The following SPAG16 variants were observed in gnomAD, a reference collection of about 807,000 sequenced individuals.
The protein encoded by SPAG16 is sperm associated antigen 16.
SPAG16 carries 86 observed loss-of-function variants against 80.4 expected under a neutral mutation model. That is an observed-to-expected ratio of 1.07 (90% confidence interval 0.90 to 1.28). SPAG16 has a LOEUF of 1.28. SPAG16 is among the 50% of genes most tolerant of loss of function. SPAG16 has a pLI of 0.00. For synonymous variants in SPAG16, 294 were observed against 265.9 expected (o/e 1.11, Z -1.03); for missense variants, 870 against 765.3 (o/e 1.14, Z -1.61).
rs148796499 is a variant in SPAG16 at position 213,449,512 on chromosome 2, G to A, written c.943-40451G>A. The stretch of plus-strand genomic sequence containing the variant: ...CTCAGGCAGGCATCATGGTCCTACC[G>A]ATATGTGATGTCACCCCTCGCGGCC... On this transcript the variant is annotated intron_variant, in intron 9 of 15. Transcript: ENST00000331683. Among the ~76,000 whole-genome samples, 1,286 of 152,252 alleles carry A rather than the reference G, an allele frequency of 8.4e-3. 9 individuals are homozygous for A. Among genetic ancestry groups the A allele is most frequent in the Non-Finnish European group, 0.013 (869 of 68,018 alleles).
intron 15 of SPAG16, among the ~76,000 whole-genome samples, chr2:214,267,201 A>G (rs1347439494): frequency 6.6e-6 from 1 of 151,852 alleles, no homozygotes; most frequent in Non-Finnish European, 1.5e-5. Context: ...AAAAATAGAT[A>G]AAAAGATAAA....
chr2:214,132,231 T>G (rs916481628), intron 14 of SPAG16, among the ~76,000 whole-genome samples: 6 of 152,228 alleles, frequency 3.9e-5, no homozygotes, highest in African/African-American at 9.6e-5. Context: ...ATTCATTCAT[T>G]TGTTCAAATA....
At chr2:214,079,090 T>C (rs758368369) in intron 13 of SPAG16, among the ~76,000 whole-genome samples, 25 of 152,096 alleles carry the variant, frequency 1.6e-4, no homozygotes, top group Admixed American at 7.2e-4. Context: ...GTTCTAAGCC[T>C]AAGGTACATC....
intron 10 of SPAG16, among the ~76,000 whole-genome samples, chr2:213,818,974 GAT>G (rs2072753790): frequency 6.6e-6 from 1 of 152,182 alleles, no homozygotes; most frequent in Non-Finnish European, 1.5e-5. Context: ...CCCAGTCTCA[GAT>G]AGTAACTTCA....
At chr2:214,037,780 T>A (rs904318708) in intron 13 of SPAG16, among the ~76,000 whole-genome samples, 1 of 152,116 alleles carries the variant, frequency 6.6e-6, no homozygotes, top group Non-Finnish European at 1.5e-5. Context: ...ATTTTTCCCA[T>A]ATTTAATGCT....
chr2:213,660,258 CT>C (rs1240070436), intron 10 of SPAG16, among the ~76,000 whole-genome samples: 2 of 150,850 alleles, frequency 1.3e-5, no homozygotes, highest in Non-Finnish European at 2.9e-5. Context: ...AACAGAGTGG[CT>C]ATTAGTGTTG....
intron 10 of SPAG16, among the ~76,000 whole-genome samples, chr2:213,522,848 TA>T (rs1171794347): frequency 3.4e-5 from 5 of 148,864 alleles, no homozygotes; most frequent in Admixed American, 1.3e-4. Flanking sequence ...AACATATATA[TA>T]AAAAAACTAA....
chr2:213,686,894 A>G (rs920404338), intron 10 of SPAG16, among the ~76,000 whole-genome samples: 1 of 151,252 alleles, frequency 6.6e-6, no homozygotes. Context: ...TGTTTTAGCC[A>G]GGGTGGTCTT....
At chr2:213,429,877 G>A (rs1039913284) in intron 9 of SPAG16, among the ~76,000 whole-genome samples, 1 of 152,154 alleles carries the variant, frequency 6.6e-6, no homozygotes, top group Non-Finnish European at 1.5e-5. Flanking sequence ...AATAAGAAGT[G>A]ACTGTTTCTC....
intron 13 of SPAG16, among the ~76,000 whole-genome samples, chr2:214,081,586 T>C (rs986884627): frequency 6.6e-6 from 1 of 152,160 alleles, no homozygotes; most frequent in Non-Finnish European, 1.5e-5. Flanking sequence ...CACCAGAAAC[T>C]AACAGAGAGA....
intron 9 of SPAG16, among the ~76,000 whole-genome samples, chr2:213,447,996 T>A (rs1020370303): frequency 1.3e-5 from 2 of 152,232 alleles, no homozygotes; most frequent in Non-Finnish European, 2.9e-5. Flanking sequence ...CTAATTACAG[T>A]CACGGCACTG....
intron 10 of SPAG16, among the ~76,000 whole-genome samples, chr2:213,558,705 C>T (rs1416955491): frequency 6.6e-6 from 1 of 151,996 alleles, no homozygotes; most frequent in Non-Finnish European, 1.5e-5. Context: ...ACTTTTGGTC[C>T]TAATTTGGCT....
chr2:213,489,291 C>T (rs1375705567), intron 9 of SPAG16, among the ~76,000 whole-genome samples: 1 of 152,098 alleles, frequency 6.6e-6, no homozygotes, highest in East Asian at 1.9e-4. Context: ...TTATTTGTAG[C>T]ATGTCTTTTT....
chr2:213,907,423 A>T (rs1306930681), intron 11 of SPAG16, among the ~76,000 whole-genome samples: 1 of 151,976 alleles, frequency 6.6e-6, no homozygotes, highest in East Asian at 1.9e-4. Context: ...ATACATGATC[A>T]ATGTGAATGT....
intron 10 of SPAG16, among the ~76,000 whole-genome samples, chr2:213,758,976 A>C (rs1288458432): frequency 6.6e-6 from 1 of 152,240 alleles, no homozygotes; most frequent in African/African-American, 2.4e-5. Context: ...ATTTCTCACC[A>C]GAAACGTTGC....
At chr2:213,355,970 AG>A (rs1228477506) in intron 7 of SPAG16, among the ~76,000 whole-genome samples, 13 of 152,160 alleles carry the variant, frequency 8.5e-5, no homozygotes, top group African/African-American at 2.9e-4. Flanking sequence ...GAATGCTTCC[AG>A]TTTTTGCCCA....
intron 15 of SPAG16, among the ~76,000 whole-genome samples, chr2:214,248,286 TATATTATTATTATTATTA>T (rs1559154124): frequency 7.8e-6 from 1 of 128,084 alleles, no homozygotes; most frequent in African/African-American, 3.0e-5. Context: ...GTACTATTCT[TATATTATTATTATTATTA>T]TTATTATTAT....
intron 10 of SPAG16, among the ~76,000 whole-genome samples, chr2:213,580,727 T>G (rs988977549): frequency 6.6e-6 from 1 of 152,162 alleles, no homozygotes; most frequent in Non-Finnish European, 1.5e-5. Flanking sequence ...ATAGATTATC[T>G]TTAGATGAGT....
chr2:214,059,222 G>GTGTATA (rs1553706195), intron 13 of SPAG16, among the ~76,000 whole-genome samples: 4 of 121,466 alleles, frequency 3.3e-5, no homozygotes, highest in South Asian at 2.7e-4. Flanking sequence ...ATATGTATGT[G>GTGTATA]TATATATATA....
Sources: allele counts gnomAD v4.1 joint callset (sites outside exome capture counted in the v4.1 genomes callset), GRCh38; gene constraint gnomAD v4.1.1; transcripts MANE v1.5; gene names NCBI Gene and HGNC (gene_info 2026-07-23, HGNC 2026-07-21).